The following ZNF721 variants were observed in gnomAD, a reference collection of about 807,000 sequenced individuals.
ZNF721 encodes the protein zinc finger protein 721.
In ZNF721, 2 loss-of-function variants were observed where a neutral mutation model predicts 2.4. That is an observed-to-expected ratio of 0.82 (90% CI 0.34 to 2.58). The LOEUF (loss-of-function observed/expected upper bound fraction) is 2.58, where lower values mean the gene tolerates loss of function less well. Ranked by LOEUF, ZNF721 falls within the 30% of genes most tolerant of loss-of-function variation. ZNF721 has a pLI of 0.11. For missense variants in ZNF721, 1,187 were observed against 1,085.5 expected, an observed-to-expected ratio of 1.09 and a Z score of -1.31; for synonymous variants, 398 against 381.8, an observed-to-expected ratio of 1.04 and a Z score of -0.50.
intron 1 of ZNF721, among the ~76,000 whole-genome samples, chr4:495,218 A>G (rs1716119104): frequency 6.6e-6 from 1 of 151,784 alleles, no homozygotes; most frequent in African/African-American, 2.4e-5. Context: ...TTGTGTGTCT[A>G]AACTACATAC....
chr4:472,836 A>C, intron 1 of ZNF721, 135 bp from the exon 2 acceptor site: 1 of 1,228,082 alleles, frequency 8.1e-7, no homozygotes, highest in Non-Finnish European at 1.1e-6. Context: ...ATGTTCTCTA[A>C]AGTATTCTAT....
chr4:484,225 G>C (rs1483292022), intron 1 of ZNF721, among the ~76,000 whole-genome samples: 1 of 152,146 alleles, frequency 6.6e-6, no homozygotes, highest in African/African-American at 2.4e-5. Context: ...CAATACCCTT[G>C]TGACTTCCTA....
At chr4:447,538 T>C (rs1553864339) in intron 2 of ZNF721, among the ~76,000 whole-genome samples, 1 of 151,774 alleles carries the variant, frequency 6.6e-6, no homozygotes, top group Non-Finnish European at 1.5e-5. Flanking sequence ...ATAAAACGTG[T>C]AAGTCTATTT....
chr4:446,579 T>A (rs1371546239), intron 2 of ZNF721, among the ~76,000 whole-genome samples: 1 of 152,024 alleles, frequency 6.6e-6, no homozygotes, highest in Non-Finnish European at 1.5e-5. Context: ...CAGGGTTTCA[T>A]CATACTGGCC....
intron 2 of ZNF721, among the ~76,000 whole-genome samples, chr4:445,113 T>C (rs61793705): frequency 0.34 from 51,132 of 150,084 alleles, 9,460 homozygotes; most frequent in East Asian, 0.56. Context: ...GCCTCCCCAA[T>C]AGCTGGGACT....
intron 1 of ZNF721, among the ~76,000 whole-genome samples, chr4:475,079 C>A (rs1347270818): frequency 6.6e-6 from 1 of 151,560 alleles, no homozygotes; most frequent in Non-Finnish European, 1.5e-5. Flanking sequence ...CCCAGCTACT[C>A]GGGAGGCTGA....
rs1194486253 is a variant in ZNF721 at position 443,305 on chromosome 4, G to A, written c.1162C>T (p.Pro388Ser). ...QHKKIHTGEK[P>S]YKCEECGKAF... is the part of the protein sequence containing the mutation. ...TTGCCACACTCTTCACATTTGTAAG[G>A]TTTCTCTCCAGTATGAATTTTCTTG... is the stretch of plus-strand genomic sequence containing the variant. Residue 388 changes from proline (P) to serine (S), a missense_variant, in exon 3 of 3, where the codon CCT (proline) becomes TCT (serine). Pro to Ser is a moderately conservative substitution (Grantham distance 74). Transcript: ENST00000511833. The A allele has an allele frequency of 6.2e-7, 1 of 1,613,936 alleles. No individual in the cohort carries two copies. The highest frequency in any genetic ancestry group is 1.7e-5 in the Admixed American group (1 of 59,994).
chr4:461,505 G>C (rs1173440076), intron 2 of ZNF721, among the ~76,000 whole-genome samples: 1 of 152,134 alleles, frequency 6.6e-6, no homozygotes, highest in Non-Finnish European at 1.5e-5. Flanking sequence ...ATACTGAATG[G>C]GCAAAAGCTG....
Position 442,830 on chromosome 4 carries a change from A to C in ZNF721, c.1637T>G (p.Val546Gly). ...KAFRQSAILY[V>G]HRRIHTGEKP... The stretch of plus-strand genomic sequence containing the variant: ...CTCTCCAGTATGAATTCTCCTATGT[A>C]CATAAAGGATTGCGGACTGTCTAAA... Residue 546 changes from valine (V) to glycine (G), a missense_variant, in exon 3 of 3, where the codon GTA (valine) becomes GGA (glycine). By Grantham distance (109) the Val-to-Gly change is moderately radical (BLOSUM62 -3). Coordinates refer to ENST00000511833, the MANE Select transcript of ZNF721 (RefSeq NM_133474.4). 6.2e-7 allele frequency: 1 copy of C among 1,607,580 alleles called. No individual in the cohort carries two copies. Among genetic ancestry groups the C allele is most frequent in the Non-Finnish European group, 8.5e-7 (1 of 1,177,612 alleles).
chr4:446,194 C>T (rs553786746), intron 2 of ZNF721, among the ~76,000 whole-genome samples: 6 of 152,076 alleles, frequency 3.9e-5, no homozygotes, highest in East Asian at 3.9e-4. Flanking sequence ...AAGATATGCA[C>T]GTACACAAAG....
At chr4:469,363 T>G in intron 2 of ZNF721, among the ~76,000 whole-genome samples, 1 of 152,020 alleles carries the variant, frequency 6.6e-6, no homozygotes, top group Non-Finnish European at 1.5e-5. Flanking sequence ...AAATAAAAAA[T>G]TTATACATTA....
chr4:444,271 A>C lies in ZNF721; in HGVS notation c.196T>G (p.Tyr66Asp). 6.2e-7 allele frequency: 1 copy of C among 1,613,978 alleles called. No individual in the cohort carries two copies. The highest frequency in any genetic ancestry group is 1.7e-4 in the Middle Eastern group (1 of 6,060). Residue 66 changes from tyrosine (Y) to aspartate (D), a missense_variant, in exon 3 of 3, where the codon TAT becomes GAT. Transcript: ENST00000511833. ...GACAAGCATTTATTAATTCCATTAT[A>C]AACTCCCTTCTGCACTTTACACACG... ...MNVCKVQKGV[Y>D]NGINKCLSNT...
At chr4:492,162 C>CAA (rs141448200) in intron 1 of ZNF721, among the ~76,000 whole-genome samples, 2 of 144,122 alleles carry the variant, frequency 1.4e-5, no homozygotes, top group African/African-American at 5.7e-5. Flanking sequence ...GATTCCGTCT[C>CAA]AAAAAAAAAA....
intron 1 of ZNF721, among the ~76,000 whole-genome samples, chr4:485,975 AAAAT>A (rs563086296): frequency 7.5e-4 from 114 of 151,844 alleles, no homozygotes; most frequent in Non-Finnish European, 4.9e-4. Flanking sequence ...CTCCATCTAA[AAAAT>A]AAATAAATAA....
intron 2 of ZNF721, among the ~76,000 whole-genome samples, chr4:458,352 T>C (rs1429745099): frequency 2.0e-5 from 3 of 152,162 alleles, no homozygotes; most frequent in African/African-American, 7.2e-5. Context: ...AACACTTTAT[T>C]ACAATCTCAG....
chr4:474,699 A>AC (rs1283029831), intron 1 of ZNF721, among the ~76,000 whole-genome samples: 3 of 151,604 alleles, frequency 2.0e-5, no homozygotes, highest in Non-Finnish European at 4.4e-5. Flanking sequence ...AGATGGTGAA[A>AC]CCCCGTCTCT....
intron 1 of ZNF721, among the ~76,000 whole-genome samples, chr4:489,448 A>C (rs1715971566): frequency 6.6e-6 from 1 of 152,154 alleles, no homozygotes; most frequent in African/African-American, 2.4e-5. Context: ...GGTCATGGGA[A>C]GAGAGCCCAG....
intron 2 of ZNF721, among the ~76,000 whole-genome samples, chr4:471,483 T>C (rs1454099066): frequency 6.6e-6 from 1 of 152,146 alleles, no homozygotes; most frequent in Admixed American, 6.6e-5. Flanking sequence ...TCTTTTTACA[T>C]AGACGGGTAA....
intron 1 of ZNF721, among the ~76,000 whole-genome samples, chr4:478,386 C>G (rs548478411): frequency 1.3e-5 from 2 of 151,710 alleles, no homozygotes; most frequent in African/African-American, 2.4e-5. Flanking sequence ...AAAGATTTAC[C>G]CCTTTTCTAT....
Sources: gnomAD v4.1 joint callset for allele counts (sites outside exome capture counted in the v4.1 genomes callset) on GRCh38, gnomAD v4.1.1 for gene constraint, MANE v1.5 for transcripts, NCBI Gene and HGNC (gene_info 2026-07-23, HGNC 2026-07-21) for gene names.